LOC102723971: variants seen among roughly 807,000 people sequenced by gnomAD.
the LOC102723971 span, among the ~76,000 whole-genome samples, chr9:135,617,452 G>A: frequency 1.2e-3 from 182 of 152,348 alleles, 1 homozygote; most frequent in African/African-American, 4.4e-3. Context: ...TCGAGGGGCT[G>A]CAGTGTCCTG....
chr9:135,616,121 G>T, the LOC102723971 span, among the ~76,000 whole-genome samples: 1 of 152,216 alleles, frequency 6.6e-6, no homozygotes. Context: ...GGAGCAAGGG[G>T]CATGGGAGTG....
chr9:135,614,637 C>A, the LOC102723971 span, among the ~76,000 whole-genome samples: 2 of 152,182 alleles, frequency 1.3e-5, no homozygotes, highest in African/African-American at 4.8e-5. Context: ...GAGAAGGCTG[C>A]AGGGCGGCAG....
At chr9:135,616,523 T>A in the LOC102723971 span, 1 of 398,322 alleles carries the variant, frequency 2.5e-6, no homozygotes, top group Non-Finnish European at 4.4e-6. Flanking sequence ...CACCACGTCC[T>A]GGGAAAGGGC....
chr9:135,614,256 G>T, the LOC102723971 span: 1 of 398,690 alleles, frequency 2.5e-6, no homozygotes, highest in South Asian at 1.3e-4. Context: ...CTGGAGAAAG[G>T]CCCGCTCCTG....
At chr9:135,616,523 T>C in the LOC102723971 span, 8 of 398,204 alleles carry the variant, frequency 2.0e-5, no homozygotes, top group Non-Finnish European at 3.5e-5. Flanking sequence ...CACCACGTCC[T>C]GGGAAAGGGC....
chr9:135,616,583 C>T, the LOC102723971 span: 1 of 398,726 alleles, frequency 2.5e-6, no homozygotes, highest in Non-Finnish European at 4.4e-6. Context: ...TTCTCTTTTC[C>T]CAGGGGAGAA....
chr9:135,618,976 T>G, the LOC102723971 span: 1 of 401,290 alleles, frequency 2.5e-6, no homozygotes, highest in Non-Finnish European at 4.4e-6. Flanking sequence ...GGTTCTGGAG[T>G]CTTCCTGCCT....
chr9:135,617,377 G>C, the LOC102723971 span, among the ~76,000 whole-genome samples: 2 of 152,180 alleles, frequency 1.3e-5, no homozygotes, highest in African/African-American at 4.8e-5. Flanking sequence ...GTCCTGGGGG[G>C]CTCCTGAAAG....
chr9:135,617,903 G>A, the LOC102723971 span: 1 of 398,416 alleles, frequency 2.5e-6, no homozygotes, highest in East Asian at 3.6e-5. Context: ...AGAAAAGACA[G>A]AGGCTCCAGG....
chr9:135,619,375 A>G, the LOC102723971 span, among the ~76,000 whole-genome samples: 1 of 151,338 alleles, frequency 6.6e-6, no homozygotes, highest in Non-Finnish European at 1.5e-5. Flanking sequence ...CCTCCGATGC[A>G]CCCCCCTCCC....
chr9:135,618,740 C>A, the LOC102723971 span, among the ~76,000 whole-genome samples: 269 of 151,782 alleles, frequency 1.8e-3, 3 homozygotes, highest in African/African-American at 6.0e-3. Flanking sequence ...GCCTTGTGGG[C>A]CCCCAAGGGG....
the LOC102723971 span, among the ~76,000 whole-genome samples, chr9:135,617,311 G>A: frequency 1.3e-5 from 2 of 152,134 alleles, no homozygotes; most frequent in African/African-American, 4.8e-5. Flanking sequence ...ATTATCAGTG[G>A]ATAAAACTGA....
the LOC102723971 span, among the ~76,000 whole-genome samples, chr9:135,614,561 T>G: frequency 4.1e-4 from 62 of 152,112 alleles, no homozygotes; most frequent in Non-Finnish European, 8.4e-4. Flanking sequence ...CAGCGGCCAC[T>G]GATTAACCTC....
chr9:135,614,500 C>G, the LOC102723971 span: 1 of 396,712 alleles, frequency 2.5e-6, no homozygotes, highest in Non-Finnish European at 4.4e-6. Context: ...TGAGCTGCAC[C>G]TGGGTCCAAC....
At chr9:135,616,863 G>A in the LOC102723971 span, 4,393 of 398,604 alleles carry the variant, frequency 0.011, 187 homozygotes, top group African/African-American at 0.082. Flanking sequence ...CCTGGGGGAC[G>A]GAGGAGAGAG....
the LOC102723971 span, among the ~76,000 whole-genome samples, chr9:135,615,974 T>C: frequency 6.6e-6 from 1 of 152,332 alleles, no homozygotes; most frequent in African/African-American, 2.4e-5. Flanking sequence ...GCTTCCGTTA[T>C]TCCGCCTGCA....
the LOC102723971 span, chr9:135,616,484 T>A: frequency 2.5e-6 from 1 of 396,894 alleles, no homozygotes. Flanking sequence ...GCAGCCACAG[T>A]GTCCCCTGGT....
the LOC102723971 span, chr9:135,615,318 CG>C: frequency 4.5e-4 from 180 of 397,692 alleles, no homozygotes; most frequent in Non-Finnish European, 6.3e-4. Context: ...GCCACACAGC[CG>C]GGCGCTAGCT....
At chr9:135,616,923 A>G in the LOC102723971 span, 1 of 398,444 alleles carries the variant, frequency 2.5e-6, no homozygotes, top group Non-Finnish European at 4.4e-6. Flanking sequence ...GGGCGGCAGC[A>G]TGCACGTATG....
Sources: allele counts gnomAD v4.1 joint callset (sites outside exome capture counted in the v4.1 genomes callset), GRCh38; gene constraint gnomAD v4.1.1; transcripts MANE v1.5.